Variants in SETD5 observed in about 807,000 individuals in gnomAD.
SETD5 encodes histone-lysine N-methyltransferase SETD5.
In SETD5, 44 loss-of-function variants were observed where a neutral mutation model predicts 153.3. That is an observed-to-expected ratio of 0.29 (90% CI 0.23 to 0.37). SETD5 has a LOEUF of 0.37. SETD5 is among the 10% of genes least tolerant of loss of function. SETD5 has a pLI of 1.00. For missense variants in SETD5, 1,544 were observed against 1,768.0 expected (o/e 0.87, Z 2.27); for synonymous variants, 716 against 645.2 (o/e 1.11, Z -1.66).
chr3:9,445,524 A>T (rs1281156575), intron 12 of SETD5, 133 bp from the exon 13 acceptor site: 1 of 887,562 alleles, frequency 1.1e-6, no homozygotes, highest in Non-Finnish European at 1.7e-6. Flanking sequence ...ATCTGTGTTT[A>T]CCATGTGGCC....
At chr3:9,447,353 T>C in intron 14 of SETD5, 46 bp downstream of exon 14, 1 of 1,569,622 alleles carries the variant, frequency 6.4e-7, no homozygotes, top group Non-Finnish European at 8.6e-7. Context: ...TCACCTTTGC[T>C]AATGTCAATA....
intron 2 of SETD5, chr3:9,426,299 A>ATCT (rs2039236046): frequency 7.8e-6 from 1 of 128,876 alleles, no homozygotes; most frequent in South Asian, 2.6e-4. Context: ...CAGTGGCATG[A>ATCT]TCTCAGCTCA....
chr3:9,416,797 A>G (rs2125587578), intron 1 of SETD5, among the ~76,000 whole-genome samples: 1 of 152,246 alleles, frequency 6.6e-6, no homozygotes, highest in South Asian at 2.1e-4. Context: ...TATTTTGGGG[A>G]TTTTGCTGTA....
chr3:9,464,704 A>C, intron 18 of SETD5, 32 bp downstream of exon 18: 1 of 1,613,890 alleles, frequency 6.2e-7, no homozygotes, highest in Non-Finnish European at 8.5e-7. Flanking sequence ...GGAGTGCTGG[A>C]TATGAAAATC....
At chr3:9,453,966 C>T (rs976519121) in intron 17 of SETD5, 98 bp downstream of exon 17, 57 of 1,298,280 alleles carry the variant, frequency 4.4e-5, no homozygotes, top group Non-Finnish European at 5.0e-5. Context: ...AAAGAAATGG[C>T]GTGTTTTCTA....
chr3:9,418,768 A>C, intron 1 of SETD5, among the ~76,000 whole-genome samples: 1 of 150,924 alleles, frequency 6.6e-6, no homozygotes, highest in Non-Finnish European at 1.5e-5. Context: ...CTGCCATTGC[A>C]CTCCAGCCTG....
chr3:9,426,073 GTT>G (rs1052018336), intron 2 of SETD5: 1 of 151,930 alleles, frequency 6.6e-6, no homozygotes, highest in Non-Finnish European at 1.5e-5. Context: ...GAGTGTTCTT[GTT>G]TTATCATTTA....
In SETD5 at chr3:9,473,353, A is replaced by G. The variant is rs760024950; in HGVS notation, c.3313A>G (p.Asn1105Asp). The change falls in exon 20 of 23, where the codon AAC (asparagine) becomes GAC (aspartate). Residue 1105 changes from asparagine to aspartate, a missense_variant. Asn to Asp is a conservative substitution (Grantham distance 23). Coordinates refer to ENST00000402198, the MANE Select transcript of SETD5 (RefSeq NM_001080517.3). The part of the protein sequence containing the change: ...KSAGAGQGSS[N>D]SVSDTGAHGV... ...TGCAGGAGCTGGGCAAGGCAGCAGT[A>G]ACTCCGTTTCCGACACTGGTGCCCA... 3.7e-6 allele frequency: 6 copies of G among 1,613,982 alleles called. No individual in the cohort carries two copies. In the South Asian group the frequency reaches 5.5e-5, roughly 15 times the overall value.
intron 11 of SETD5, among the ~76,000 whole-genome samples, 168 bp downstream of exon 11, chr3:9,443,585 A>T (rs1010064210): frequency 6.6e-6 from 1 of 152,120 alleles, no homozygotes; most frequent in Non-Finnish European, 1.5e-5. Flanking sequence ...GACAGGCAAG[A>T]TTTTTTTTAG....
intron 19 of SETD5, among the ~76,000 whole-genome samples, chr3:9,471,539 G>A (rs779110533): frequency 6.6e-6 from 1 of 152,212 alleles, no homozygotes; most frequent in South Asian, 2.1e-4. Flanking sequence ...ATGCAGTATG[G>A]TGCAAACAGT....
chr3:9,409,822 C>T (rs549734199), intron 1 of SETD5, among the ~76,000 whole-genome samples: 3 of 152,264 alleles, frequency 2.0e-5, no homozygotes, highest in South Asian at 2.1e-4. Context: ...ATGATGTTTA[C>T]GTAAACCTAA....
chr3:9,404,049 C>G (rs1210163619), intron 1 of SETD5, among the ~76,000 whole-genome samples: 2 of 152,070 alleles, frequency 1.3e-5, no homozygotes, highest in Non-Finnish European at 1.5e-5. Context: ...TTTTAAAAGA[C>G]TTTAATTTTT....
At chr3:9,444,998 T>G (rs1311126394) in intron 11 of SETD5, 50 bp from the exon 12 acceptor site, 7 of 1,581,858 alleles carry the variant, frequency 4.4e-6, no homozygotes, top group Non-Finnish European at 4.3e-6. Context: ...ATAATGTAAC[T>G]GAATTTCAAG....
intron 1 of SETD5, among the ~76,000 whole-genome samples, chr3:9,414,201 C>T (rs1429397310): frequency 3.3e-5 from 5 of 152,110 alleles, no homozygotes; most frequent in African/African-American, 1.2e-4. Flanking sequence ...GTAGTTATGC[C>T]TAGGATGTTT....
At position 9,475,051 on chromosome 3, in the gene SETD5, T is replaced by A. The variant is rs956535290; in HGVS notation, c.3632-17T>A. On this transcript the variant is annotated splice_polypyrimidine_tract_variant and intron_variant, in intron 21 of 22. Coordinates refer to ENST00000402198, the MANE Select transcript of SETD5 (RefSeq NM_001080517.3). ...AAGAAGCCAAGTTGATTTTTTTTTA[T>A]ATATGTTACCTTCCAGACCCTGCAG... The A allele has an allele frequency of 6.4e-7, 1 of 1,550,970 alleles. No individual in the cohort carries two copies. Among genetic ancestry groups the A allele is most frequent in the African/African-American group, 1.4e-5 (1 of 72,738 alleles).
At chr3:9,427,427 G>A (rs1377448692) in intron 2 of SETD5, among the ~76,000 whole-genome samples, 3 of 152,182 alleles carry the variant, frequency 2.0e-5, no homozygotes, top group Admixed American at 2.0e-4. Flanking sequence ...GCAGGCGCCT[G>A]TAATCCTAAC....
intron 1 of SETD5, among the ~76,000 whole-genome samples, chr3:9,417,769 T>C (rs986496410): frequency 1.3e-4 from 20 of 150,934 alleles, no homozygotes; most frequent in Middle Eastern, 3.5e-3. Flanking sequence ...ATAGGCGGGA[T>C]CCACTGCGCC....
intron 1 of SETD5, among the ~76,000 whole-genome samples, chr3:9,407,200 A>C (rs1345119373): frequency 1.3e-5 from 2 of 151,956 alleles, no homozygotes; most frequent in Non-Finnish European, 2.9e-5. Flanking sequence ...TGGTGGTGCG[A>C]GCTTGTAATC....
At position 9,470,669 on chromosome 3, in the gene SETD5, A is replaced by T. The variant is rs778008343; in HGVS notation, c.2935A>T (p.Thr979Ser). 6.2e-7 allele frequency: 1 copy of T among 1,613,980 alleles called. No individual in the cohort carries two copies. Among genetic ancestry groups the T allele is most frequent in the Admixed American group, 1.7e-5 (1 of 60,028 alleles). The change falls in exon 19 of 23, where the codon ACA becomes TCA. Residue 979 changes from threonine to serine, a missense_variant. Physicochemically the swap from Thr to Ser is moderately conservative, Grantham distance 58. Around this residue, in one of 9 missense-constraint regions of SETD5, gnomAD observed 782 missense variants for 787.2 expected, o/e 0.99. Transcript: ENST00000402198. ...LVRNSDQAFR[T>S]EFNLMYAYSP... ...GAGAAACTCAGACCAGGCATTTCGGACAGAGTTCAACTTGATGTATGCCTA... is the reference window on the plus strand; with the variant it reads ...GAGAAACTCAGACCAGGCATTTCGGTCAGAGTTCAACTTGATGTATGCCTA...
Sources: allele counts gnomAD v4.1 joint callset (sites outside exome capture counted in the v4.1 genomes callset), GRCh38; gene constraint gnomAD v4.1.1; regional missense constraint gnomAD v4.1.1; transcripts MANE v1.5; gene names NCBI Gene and HGNC (gene_info 2026-07-23, HGNC 2026-07-21).